Variants in PLSCR1 observed in about 807,000 individuals in gnomAD.
PLSCR1 encodes PL scramblase 1.
PLSCR1 carries 17 observed loss-of-function variants against 37.8 expected under a neutral mutation model. The ratio of observed to expected loss-of-function variants is 0.45; its 90% CI spans 0.31 to 0.68. The LOEUF is 0.68. Ranked by LOEUF, PLSCR1 falls within the 30% of genes least tolerant of loss-of-function variation. PLSCR1 has a pLI of 0.06. For synonymous variants in PLSCR1, 116 were observed against 125.9 expected, an observed-to-expected ratio of 0.92 and a Z score of 0.53; for missense variants, 347 against 380.9, an observed-to-expected ratio of 0.91 and a Z score of 0.74.
chr3:146,536,565 T>C lies in PLSCR1; in HGVS notation c.-13A>G. On this transcript the variant is annotated splice_region_variant and 5_prime_UTR_variant, in exon 2 of 9. Transcript: ENST00000342435. ...TTTGTTTGTCCATGATTAAAACAGT[T>C]CTGAAAAAGAAGATCTGACATTAAC... 6.8e-7 allele frequency: 1 copy of C among 1,467,056 alleles called. No individual in the cohort carries two copies. 90.9% of individuals were successfully genotyped at this position (1,467,056 alleles called of 1,614,324 possible).
intron 1 of PLSCR1, among the ~76,000 whole-genome samples, chr3:146,543,634 C>T (rs2044366026): frequency 1.3e-5 from 2 of 152,198 alleles, no homozygotes; most frequent in Admixed American, 6.5e-5. Flanking sequence ...ATGAAACCAC[C>T]TGGGAACCAG....
chr3:146,539,848 A>G (rs776867808), intron 1 of PLSCR1, among the ~76,000 whole-genome samples: 25 of 152,202 alleles, frequency 1.6e-4, no homozygotes, highest in Non-Finnish European at 3.4e-4. Context: ...CAAAATGTTA[A>G]GTGTTCCTTG....
chr3:146,538,526 C>T (rs1411565350), intron 1 of PLSCR1, among the ~76,000 whole-genome samples: 1 of 151,954 alleles, frequency 6.6e-6, no homozygotes, highest in Non-Finnish European at 1.5e-5. Context: ...TTATAGGATA[C>T]CTCTCTATAA....
At chr3:146,530,164 A>G (rs537776336) in intron 3 of PLSCR1, among the ~76,000 whole-genome samples, 28 of 152,172 alleles carry the variant, frequency 1.8e-4, no homozygotes, top group Non-Finnish European at 4.1e-4. Context: ...ATTTCAAAGG[A>G]CTGTGTTTCT....
chr3:146,541,972 T>A (rs532521300), intron 1 of PLSCR1, among the ~76,000 whole-genome samples: 4 of 152,314 alleles, frequency 2.6e-5, no homozygotes, highest in Admixed American at 6.5e-5. Flanking sequence ...AAGATGCTGG[T>A]GCCTCCATAC....
rs867323395 is a variant in PLSCR1 at position 146,521,861 on chromosome 3, C to A, written c.548G>T (p.Ser183Ile). Residue 183 changes from serine to isoleucine, a missense_variant, in exon 6 of 9, where the codon AGC becomes ATC. Coordinates refer to ENST00000342435, the MANE Select transcript of PLSCR1 (RefSeq NM_021105.3). Reference sequence around the variant, plus strand: ...CTGAAGGCAGCAGGGACAACAACAGCTGCTACATCTTAGTGGTCTCTCCAG... The same window carrying A: ...CTGAAGGCAGCAGGGACAACAACAGATGCTACATCTTAGTGGTCTCTCCAG... ...ITLERPLRCS[S>I]CCCPCCLQEI... is the part of the protein sequence containing the mutation. The A allele has an allele frequency of 6.2e-7, 1 of 1,613,680 alleles. No homozygotes were observed. Among genetic ancestry groups the A allele is most frequent in the Non-Finnish European group, 8.5e-7 (1 of 1,179,644 alleles).
chr3:146,520,267 AT>A (rs1296145097), intron 7 of PLSCR1: 2 of 152,126 alleles, frequency 1.3e-5, no homozygotes, highest in Non-Finnish European at 2.9e-5. Context: ...TGAAACATAA[AT>A]TTTTTAGTAT....
At chr3:146,536,441 A>G (rs996750674) in intron 2 of PLSCR1, 99 bp downstream of exon 2, 12 of 712,900 alleles carry the variant, frequency 1.7e-5, no homozygotes, top group Non-Finnish European at 3.1e-5. Context: ...AACAAATTAT[A>G]CACTTTCAGA....
chr3:146,536,397 C>G, intron 2 of PLSCR1, 143 bp downstream of exon 2: 1 of 572,966 alleles, frequency 1.7e-6, no homozygotes, highest in South Asian at 2.3e-5. Context: ...AAATACTGAA[C>G]TAGACATTGT....
At chr3:146,529,689 T>G (rs568207771) in intron 3 of PLSCR1, among the ~76,000 whole-genome samples, 3 of 152,000 alleles carry the variant, frequency 2.0e-5, no homozygotes, top group Non-Finnish European at 4.4e-5. Flanking sequence ...ATTTTTTGTA[T>G]TTTTTAGTAG....
At chr3:146,536,928 T>C (rs1266153626) in intron 1 of PLSCR1, 1 of 175,206 alleles carries the variant, frequency 5.7e-6, no homozygotes. Context: ...AAGGAAATGC[T>C]TGGTTCAGTT....
chr3:146,525,268 G>T (rs1278938351), intron 5 of PLSCR1, among the ~76,000 whole-genome samples: 1 of 152,208 alleles, frequency 6.6e-6, no homozygotes, highest in African/African-American at 2.4e-5. Flanking sequence ...ATGTGGCTCT[G>T]TGCCATTCTT....
At chr3:146,527,482 T>C (rs2044134009) in intron 4 of PLSCR1, among the ~76,000 whole-genome samples, 2 of 152,176 alleles carry the variant, frequency 1.3e-5, no homozygotes, top group Non-Finnish European at 2.9e-5. Context: ...TCAAAAACAA[T>C]TCAAAAGGTA....
At chr3:146,516,563 T>C (rs934391110) in intron 8 of PLSCR1, 21 of 166,276 alleles carry the variant, frequency 1.3e-4, no homozygotes, top group Non-Finnish European at 2.3e-4. Context: ...TGTAATTTGG[T>C]AGTTAGGTCT....
intron 5 of PLSCR1, among the ~76,000 whole-genome samples, chr3:146,522,724 G>A (rs116324066): frequency 0.064 from 9,738 of 152,202 alleles, 426 homozygotes; most frequent in Admixed American, 0.12. Flanking sequence ...GAAGGAACGC[G>A]TCTTTGCAGT....
In PLSCR1 at chr3:146,533,493, TGAG is replaced by T. The variant is rs1264944072; in HGVS notation, c.68_70del (p.Pro23del). 14 of 1,605,092 alleles carry T rather than the reference TGAG, an allele frequency of 8.7e-6. No homozygotes were observed. Among genetic ancestry groups the T allele is most frequent in the African/African-American group, 2.7e-5 (2 of 74,808 alleles). On this transcript the variant is annotated inframe_deletion, in exon 3 of 9. Coordinates refer to ENST00000342435, the MANE Select transcript of PLSCR1 (RefSeq NM_021105.3). ...ACCTTGGAATGCTGTCGGTGGATAC[TGAG>T]GAGGATACCCAACTGGCAAGTTTGT...
rs1381216021 is a variant in PLSCR1, at chr3:146,537,053, G to A, written c.-13-488C>T. Among the ~76,000 whole-genome samples, 3 of 152,076 alleles carry A rather than the reference G, an allele frequency of 2.0e-5. No individual in the cohort carries two copies. In the East Asian group the frequency reaches 5.8e-4, roughly 29 times the overall value. ...CACTACTGCAATTATCTTGGGAAAT[G>A]TAGGTCTTGTGGACCTGTTCTTTGC... On this transcript the variant is annotated intron_variant, in intron 1 of 8. Coordinates refer to ENST00000342435, the MANE Select transcript of PLSCR1 (RefSeq NM_021105.3).
chr3:146,543,063 T>C (rs563149131), intron 1 of PLSCR1, among the ~76,000 whole-genome samples: 1 of 152,190 alleles, frequency 6.6e-6, no homozygotes, highest in South Asian at 2.1e-4. Context: ...AACTAGTCTA[T>C]GGAGGTATGG....
intron 1 of PLSCR1, chr3:146,536,895 A>G (rs2044272552): frequency 4.7e-6 from 1 of 212,440 alleles, no homozygotes; most frequent in Admixed American, 5.5e-5. Context: ...AATAACATCA[A>G]CCTTCACAAC....
Sources: gnomAD v4.1 joint callset for allele counts (sites outside exome capture counted in the v4.1 genomes callset) on GRCh38, gnomAD v4.1.1 for gene constraint, MANE v1.5 for transcripts, NCBI Gene and HGNC (gene_info 2026-07-23, HGNC 2026-07-21) for gene names.